MGAT4C: variants seen among roughly 807,000 people sequenced by gnomAD.
MGAT4C encodes alpha-1,3-mannosyl-glycoprotein 4-beta-N-acetylglucosaminyltransferase C.
MGAT4C carries 19 observed loss-of-function variants against 40.1 expected under a neutral mutation model. The observed-to-expected ratio is 0.47, with a 90% CI of 0.33 to 0.70. MGAT4C has a LOEUF of 0.70. Among genes scored for constraint, MGAT4C ranks in the 30% least tolerant of loss-of-function variants. The pLI, the probability that MGAT4C is intolerant of heterozygous loss-of-function variation, is 0.02. For synonymous variants in MGAT4C, 181 were observed against 187.1 expected (o/e 0.97, Z 0.27); for missense variants, 491 against 563.2 (o/e 0.87, Z 1.30).
At chr12:86,778,411 T>C (rs1324142353) in intron 1 of MGAT4C, among the ~76,000 whole-genome samples, 1 of 152,176 alleles carries the variant, frequency 6.6e-6, no homozygotes, top group Admixed American at 6.5e-5. Context: ...TTTCCTTTCT[T>C]ACAAAAATCT....
intron 2 of MGAT4C, among the ~76,000 whole-genome samples, chr12:86,669,382 T>C (rs187304083): frequency 5.9e-5 from 9 of 152,266 alleles, no homozygotes; most frequent in Admixed American, 3.3e-4. Context: ...CCTGTTTGCC[T>C]CGTTCAGCAG....
intron 1 of MGAT4C, among the ~76,000 whole-genome samples, chr12:86,154,355 C>T (rs925517097): frequency 9.9e-5 from 15 of 152,130 alleles, no homozygotes; most frequent in South Asian, 2.1e-4. Context: ...TAGCCTCTGA[C>T]GGTGAGGCAT....
chr12:86,201,992 T>C (rs777773951), intron 1 of MGAT4C, among the ~76,000 whole-genome samples: 27 of 131,598 alleles, frequency 2.1e-4, no homozygotes, highest in East Asian at 1.1e-3. Flanking sequence ...ATATTGACCA[T>C]GTATCCAGTG....
At chr12:86,763,532 T>C (rs764253229) in intron 1 of MGAT4C, among the ~76,000 whole-genome samples, 1 of 152,218 alleles carries the variant, frequency 6.6e-6, no homozygotes, top group Non-Finnish European at 1.5e-5. Context: ...ATTTTATACA[T>C]CTTTGTATCA....
chr12:86,120,866 G>A, intron 1 of MGAT4C, among the ~76,000 whole-genome samples: 1 of 152,198 alleles, frequency 6.6e-6, no homozygotes, highest in Non-Finnish European at 1.5e-5. Flanking sequence ...CTCCTTGCCA[G>A]CAATGGAACA....
intron 2 of MGAT4C, among the ~76,000 whole-genome samples, chr12:86,680,172 A>G (rs1251613303): frequency 6.6e-6 from 1 of 152,070 alleles, no homozygotes; most frequent in Non-Finnish European, 1.5e-5. Context: ...TGATCTATTC[A>G]TATTATGAGA....
At chr12:86,580,784 A>G (rs10082921) in intron 2 of MGAT4C, among the ~76,000 whole-genome samples, 141,804 of 151,390 alleles carry the variant, frequency 0.94, 66,523 homozygotes, top group East Asian at 1. Context: ...ATGCTGTAGG[A>G]TAAGATAAAC....
intron 3 of MGAT4C, among the ~76,000 whole-genome samples, chr12:86,338,943 A>G (rs1249711144): frequency 1.8e-5 from 2 of 110,164 alleles, no homozygotes; most frequent in African/African-American, 7.1e-5. Flanking sequence ...TGGGTGACAG[A>G]GTGAGACTCC....
Position 86,641,247 on chromosome 12 carries a change from T to G in MGAT4C, c.-229+85962A>C, listed in dbSNP as rs558519933. 2.9e-4 allele frequency among the ~76,000 whole-genome samples: 44 copies of G among 151,916 alleles called. No homozygotes were observed. The South Asian group carries it at 9.1e-3, about 32-fold the overall frequency. On this transcript the variant is annotated intron_variant, in intron 2 of 7. Transcript: ENST00000548651. ...ACATGGATGAAATTGGAAATAATCA[T>G]TCTCAGTAAACTATTGCAAGAACAA...
At chr12:86,118,822 A>G (rs1878872482) in intron 1 of MGAT4C, among the ~76,000 whole-genome samples, 1 of 152,216 alleles carries the variant, frequency 6.6e-6, no homozygotes, top group East Asian at 1.9e-4. Flanking sequence ...AAAATTAACA[A>G]AACAGTAGAT....
At chr12:86,326,651 A>T (rs146722701) in intron 4 of MGAT4C, among the ~76,000 whole-genome samples, 1 of 152,012 alleles carries the variant, frequency 6.6e-6, no homozygotes, top group African/African-American at 2.4e-5. Context: ...ACAAAAGGGA[A>T]ATTTTGTGTT....
chr12:86,564,608 A>C (rs1190425054), intron 2 of MGAT4C, among the ~76,000 whole-genome samples: 2 of 152,242 alleles, frequency 1.3e-5, no homozygotes, highest in African/African-American at 4.8e-5. Flanking sequence ...CTTCTACCTT[A>C]GTAAAATTTC....
intron 1 of MGAT4C, among the ~76,000 whole-genome samples, chr12:86,164,456 G>T (rs577190773): frequency 6.6e-6 from 1 of 152,280 alleles, no homozygotes; most frequent in African/African-American, 2.4e-5. Context: ...GCCAAGCAAT[G>T]GGGGTGCAAA....
chr12:86,300,759 T>C (rs1204684507), intron 4 of MGAT4C, among the ~76,000 whole-genome samples: 1 of 152,152 alleles, frequency 6.6e-6, no homozygotes, highest in African/African-American at 2.4e-5. Context: ...GAAATCTGTT[T>C]CACTTGCATT....
intron 3 of MGAT4C, among the ~76,000 whole-genome samples, chr12:86,340,781 G>A (rs1273301875): frequency 6.6e-6 from 1 of 152,006 alleles, no homozygotes; most frequent in Non-Finnish European, 1.5e-5. Context: ...AAGAATCCTG[G>A]GTTCCTCATA....
At chr12:86,332,766 T>C (rs754089883) in intron 4 of MGAT4C, among the ~76,000 whole-genome samples, 1 of 152,130 alleles carries the variant, frequency 6.6e-6, no homozygotes, top group Non-Finnish European at 1.5e-5. Context: ...TGAAAGTGCA[T>C]CCATCAAGAG....
intron 3 of MGAT4C, among the ~76,000 whole-genome samples, chr12:86,416,319 T>G (rs1565746616): frequency 6.6e-6 from 1 of 152,104 alleles, no homozygotes; most frequent in Non-Finnish European, 1.5e-5. Context: ...ATAAAAATTT[T>G]TCTTTATAAA....
At chr12:86,126,293 A>C (rs1459815926) in intron 1 of MGAT4C, among the ~76,000 whole-genome samples, 2 of 152,038 alleles carry the variant, frequency 1.3e-5, no homozygotes, top group African/African-American at 4.8e-5. Flanking sequence ...ATTATAAGCC[A>C]TTAGAGCACA....
In MGAT4C at chr12:86,208,499, T is replaced by C. The variant is rs377273796; in HGVS notation, c.-57+47740A>G. Among the ~76,000 whole-genome samples the C allele has an allele frequency of 1.3e-4, 20 of 152,240 alleles. 1 individual carries two copies. The East Asian group carries it at 2.7e-3, about 21-fold the overall frequency. ...AACAACAAAACGTGTAAATCCTTTCTTTGTCCCTTTAAGATGTAATTTTTT... is the reference window on the plus strand; with the variant it reads ...AACAACAAAACGTGTAAATCCTTTCCTTGTCCCTTTAAGATGTAATTTTTT... On this transcript the variant is annotated intron_variant, in intron 1 of 4. Coordinates refer to ENST00000611864, the MANE Select transcript of MGAT4C (RefSeq NM_001351288.2).
Sources: allele counts gnomAD v4.1 joint callset (sites outside exome capture counted in the v4.1 genomes callset), GRCh38; gene constraint gnomAD v4.1.1; transcripts MANE v1.5; gene names NCBI Gene and HGNC (gene_info 2026-07-23, HGNC 2026-07-21).